The following HDLBP variants were observed in gnomAD, a reference collection of about 807,000 sequenced individuals.
HDLBP encodes vigilin.
HDLBP carries 30 observed loss-of-function variants against 137.3 expected under a neutral mutation model. The observed-to-expected ratio is 0.22, with a 90% CI of 0.16 to 0.30. The LOEUF is 0.30. Ranked by LOEUF, HDLBP falls within the 10% of genes least tolerant of loss-of-function variation. The pLI is 1.00. For missense variants in HDLBP, 1,119 were observed against 1,667.3 expected, an observed-to-expected ratio of 0.67 and a Z score of 5.73; for synonymous variants, 606 against 596.0, an observed-to-expected ratio of 1.02 and a Z score of -0.24.
At chr2:241,295,726 G>A (rs2149672550) in intron 1 of HDLBP, among the ~76,000 whole-genome samples, 1 of 152,318 alleles carries the variant, frequency 6.6e-6, no homozygotes. Flanking sequence ...ACTAAGATGA[G>A]GAGATGATCC....
rs182059314 is a variant in HDLBP at position 241,273,357 on chromosome 2, C to G, written c.-102-4816G>C. On this transcript the variant is annotated intron_variant, in intron 1 of 27. Coordinates refer to ENST00000310931, the MANE Select transcript of HDLBP (RefSeq NM_005336.6). ...CTTGGCAATCAACTTAATCTCCCCC[C>G]CAAAATGTAAAATCCCCTTCCTTTA... 1.1e-4 allele frequency: 65 copies of G among 606,438 alleles called. 1 individual carries two copies. The South Asian group carries it at 3.1e-3, about 29-fold the overall frequency. 37.6% of individuals were successfully genotyped at this position (606,438 alleles called of 1,614,324 possible). A position where few individuals can be genotyped will look rare whatever the true frequency, so the allele number is the denominator to read the frequency against.
At chr2:241,287,089 T>C (rs1005116175) in intron 1 of HDLBP, among the ~76,000 whole-genome samples, 2 of 152,202 alleles carry the variant, frequency 1.3e-5, no homozygotes, top group African/African-American at 2.4e-5. Flanking sequence ...ATACACCCAG[T>C]GTCAGTGAAC....
intron 1 of HDLBP, among the ~76,000 whole-genome samples, chr2:241,278,949 C>G (rs1421796553): frequency 6.6e-6 from 1 of 152,172 alleles, no homozygotes; most frequent in Non-Finnish European, 1.5e-5. Flanking sequence ...CGCTTGAACC[C>G]AGGAGGCGGA....
chr2:241,303,952 A>T (rs2075477918), intron 1 of HDLBP, among the ~76,000 whole-genome samples: 1 of 152,082 alleles, frequency 6.6e-6, no homozygotes, highest in Admixed American at 6.6e-5. Context: ...GGGACCACAA[A>T]GGCACACCAC....
Position 241,253,079 on chromosome 2 carries a change from G to C in HDLBP, c.1294-44C>G, listed in dbSNP as rs2072327193. On this transcript the variant is annotated intron_variant, in intron 10 of 27. Transcript: ENST00000310931. ...GGTCCATGGATGCGCCTGGTTACTTGGCCAATGAGCTGAACCAAAACCCAG... is the reference window on the plus strand; with the variant it reads ...GGTCCATGGATGCGCCTGGTTACTTCGCCAATGAGCTGAACCAAAACCCAG... 3.4e-6 allele frequency: 5 copies of C among 1,451,352 alleles called. No homozygotes were observed. In the South Asian group the frequency reaches 5.7e-5, roughly 17 times the overall value. The allele number at this position is 1,451,352 out of a possible 1,614,324, so 89.9% of individuals were successfully genotyped here.
intron 1 of HDLBP, among the ~76,000 whole-genome samples, chr2:241,301,711 C>T (rs562874179): frequency 3.6e-4 from 54 of 152,042 alleles, no homozygotes; most frequent in African/African-American, 1.2e-3. Flanking sequence ...TCTCAACTGT[C>T]GAATGGTTAC....
intron 14 of HDLBP, 142 bp from the exon 15 acceptor site, chr2:241,247,284 A>G (rs2149440803): frequency 1.6e-6 from 1 of 635,876 alleles, no homozygotes; most frequent in Non-Finnish European, 2.9e-6. Flanking sequence ...CATGAGGGTA[A>G]GTGAGATAGA....
chr2:241,230,358 G>C lies in HDLBP; in HGVS notation c.3475-89C>G. 1.2e-6 allele frequency: 1 copy of C among 853,324 alleles called. No individual in the cohort carries two copies. The highest frequency in any genetic ancestry group is 2.4e-5 in the Admixed American group (1 of 42,098). 52.9% of individuals were successfully genotyped at this position (853,324 alleles called of 1,614,324 possible). A position where few individuals can be genotyped will look rare whatever the true frequency, so the allele number is the denominator to read the frequency against. On this transcript the variant is annotated intron_variant, in intron 25 of 27. Transcript: ENST00000310931. This position sits in a 1 kb window ranked among gnomAD's most constrained non-coding sequence, Gnocchi z 5.0. The stretch of plus-strand genomic sequence containing the variant: ...GTCAATTTCTAGTGAAGCATTTTCT[G>C]AGTTAGCAAACGTTTTAAAATCTGG...
chr2:241,269,706 G>C (rs896878629), intron 1 of HDLBP: 1 of 152,312 alleles, frequency 6.6e-6, no homozygotes, highest in East Asian at 1.9e-4. Context: ...AAGTTTTAAA[G>C]ATTAAAGTAA....
intron 1 of HDLBP, among the ~76,000 whole-genome samples, chr2:241,277,672 TACA>T (rs1217605052): frequency 7.2e-5 from 11 of 152,208 alleles, no homozygotes; most frequent in African/African-American, 1.4e-4. Flanking sequence ...ATATAAAACT[TACA>T]ACAAGGCCGG....
chr2:241,275,711 A>G (rs1003889091), intron 1 of HDLBP, among the ~76,000 whole-genome samples: 8 of 152,174 alleles, frequency 5.3e-5, no homozygotes, highest in African/African-American at 1.9e-4. Flanking sequence ...CAGGTTACTC[A>G]TAAAGAATAC....
intron 12 of HDLBP, 142 bp downstream of exon 12, chr2:241,249,699 G>A: frequency 2.7e-6 from 2 of 743,088 alleles, no homozygotes; most frequent in Non-Finnish European, 4.3e-6. Context: ...GTGGCCCCAG[G>A]GAGTCCAATC....
intron 1 of HDLBP, chr2:241,302,621 T>A (rs950191160): frequency 6.6e-6 from 1 of 152,222 alleles, no homozygotes; most frequent in African/African-American, 2.4e-5. Flanking sequence ...GTACTGTTGC[T>A]TTCTCTTTGC....
chr2:241,277,719 T>C (rs1487210089), intron 1 of HDLBP, among the ~76,000 whole-genome samples: 3 of 152,174 alleles, frequency 2.0e-5, no homozygotes, highest in African/African-American at 7.2e-5. Flanking sequence ...CCCAGCACTT[T>C]GGGAGGCCGA....
At chr2:241,237,690 T>A (rs895615287) in intron 20 of HDLBP, among the ~76,000 whole-genome samples, 1 of 151,550 alleles carries the variant, frequency 6.6e-6, no homozygotes, top group African/African-American at 2.4e-5. Flanking sequence ...CCACCATGAA[T>A]AAAGGGACAT....
rs1559467029 is a variant in HDLBP at position 241,229,349 on chromosome 2, C to G, written c.*252G>C. The G allele has an allele frequency of 2.4e-6, 1 of 414,864 alleles. No homozygotes were observed. The highest frequency in any genetic ancestry group is 2.0e-5 in the African/African-American group (1 of 48,828). 25.7% of individuals were successfully genotyped at this position (414,864 alleles called of 1,614,324 possible). A position where few individuals can be genotyped will look rare whatever the true frequency, so the allele number is the denominator to read the frequency against. On this transcript the variant is annotated 3_prime_UTR_variant, in exon 28 of 28. Coordinates refer to ENST00000310931, the MANE Select transcript of HDLBP (RefSeq NM_005336.6). ...TGCCGGGTGGACCAGGAGCTGGAGTCTGTTATCTTAGCACGAATGCTCATG... is the reference window on the plus strand; with the variant it reads ...TGCCGGGTGGACCAGGAGCTGGAGTGTGTTATCTTAGCACGAATGCTCATG...
chr2:241,248,498 C>G, intron 12 of HDLBP, 150 bp from the exon 13 acceptor site: 1 of 665,162 alleles, frequency 1.5e-6, no homozygotes, highest in Non-Finnish European at 2.7e-6. Flanking sequence ...ACCCCGGGAG[C>G]AACCAGCTGT....
At position 241,239,854 on chromosome 2, in the gene HDLBP, C is replaced by A. The variant is rs2071028834; in HGVS notation, c.2392-34G>T. On this transcript the variant is annotated intron_variant, in intron 18 of 27. Coordinates refer to ENST00000310931, the MANE Select transcript of HDLBP (RefSeq NM_005336.6). The surrounding 1 kb of genome is among the most constrained non-coding windows in gnomAD (Gnocchi z 4.6). ...TTAAGAAGAGATGGAAGATAAGCCACCCCATCACGGCCCCAGCAGAGTCGG... is the reference window on the plus strand; with the variant it reads ...TTAAGAAGAGATGGAAGATAAGCCAACCCATCACGGCCCCAGCAGAGTCGG... 1 of 1,611,556 alleles carries A rather than the reference C, an allele frequency of 6.2e-7. No individual in the cohort carries two copies. Among genetic ancestry groups the A allele is most frequent in the African/African-American group, 1.3e-5 (1 of 74,858 alleles).
At chr2:241,303,912 G>T (rs1054967789) in intron 1 of HDLBP, among the ~76,000 whole-genome samples, 4 of 152,078 alleles carry the variant, frequency 2.6e-5, no homozygotes, top group African/African-American at 9.7e-5. Context: ...GGGCTCAAAC[G>T]TGCCTCCCAC....
Sources: gnomAD v4.1 joint callset for allele counts (sites outside exome capture counted in the v4.1 genomes callset) on GRCh38, gnomAD v4.1.1 for gene constraint, Gnocchi (gnomAD v3.1) non-coding constraint, MANE v1.5 for transcripts, NCBI Gene and HGNC (gene_info 2026-07-23, HGNC 2026-07-21) for gene names.